TENM1: variants seen among roughly 807,000 people sequenced by gnomAD.
The protein encoded by TENM1 is teneurin-1.
Under a neutral mutation model 174.8 loss-of-function variants are expected in TENM1, and 35 were observed. That is an observed-to-expected ratio of 0.20 (90% CI 0.15 to 0.27). TENM1 has a LOEUF of 0.27. TENM1 is among the 10% of genes least tolerant of loss of function. The probability of loss-of-function intolerance (pLI) is 1.00; values close to 1 mark genes in which losing one functional copy is unlikely to be tolerated. For synonymous variants in TENM1, 781 were observed against 798.7 expected (o/e 0.98, Z 0.37); for missense variants, 1,633 against 2,130.1 (o/e 0.77, Z 4.59).
Position 124,674,978 on chromosome X carries a change from T to A in TENM1, c.1016-3143A>T, listed in dbSNP as rs772887020. 5.4e-5 allele frequency among the ~76,000 whole-genome samples: 6 copies of A among 111,391 alleles called. No individual in the cohort carries two copies. In the South Asian group the frequency reaches 2.3e-3, roughly 42 times the overall value. ...CCACTTTCCTGGCGGCACTTGAAAA[T>A]GCGAGAAAATGCATGTGGTGAGATT... On this transcript the variant is annotated intron_variant, in intron 5 of 31. Coordinates refer to ENST00000422452, the Ensembl canonical transcript of TENM1.
intron 3 of TENM1, among the ~76,000 whole-genome samples, chrX:124,859,557 A>C (rs2056875370): frequency 1.8e-5 from 2 of 110,117 alleles, no homozygotes; most frequent in Admixed American, 9.6e-5. Context: ...AAAAAAAAAA[A>C]AACAAAAAGA....
intron 27 of TENM1, among the ~76,000 whole-genome samples, chrX:124,399,561 A>G (rs1470581715): frequency 8.9e-6 from 1 of 112,554 alleles, no homozygotes; most frequent in East Asian, 2.8e-4. Context: ...GTGTAACCAT[A>G]CAACAGATAT....
chrX:125,200,274 C>G, the TENM1 span, among the ~76,000 whole-genome samples: 2 of 111,628 alleles, frequency 1.8e-5, no homozygotes, highest in African/African-American at 3.3e-5. Context: ...GTGATTTAAT[C>G]TAACACTCAG....
At chrX:124,876,134 G>A (rs371218098) in intron 3 of TENM1, among the ~76,000 whole-genome samples, 10 of 110,549 alleles carry the variant, frequency 9.0e-5, no homozygotes, top group African/African-American at 2.0e-4. Context: ...TTTTCTCATC[G>A]TAAATGGGAA....
chrX:124,607,401 A>T (rs1255115491), intron 11 of TENM1, among the ~76,000 whole-genome samples: 2 of 111,208 alleles, frequency 1.8e-5, no homozygotes, highest in African/African-American at 6.5e-5. Flanking sequence ...TATCAATTGA[A>T]CAAAGACTCA....
chrX:124,776,608 G>T (rs959762002), intron 3 of TENM1, among the ~76,000 whole-genome samples: 1 of 111,977 alleles, frequency 8.9e-6, no homozygotes, highest in South Asian at 3.7e-4. Context: ...ATCTGTTTAT[G>T]TGCAAAGTTT....
At chrX:124,599,514 T>C (rs2858400) in intron 11 of TENM1, among the ~76,000 whole-genome samples, 23,708 of 109,882 alleles carry the variant, frequency 0.22, 1,887 homozygotes, top group South Asian at 0.38. Flanking sequence ...GGGCCTAAGA[T>C]TGTGGGACTT....
chrX:124,522,765 T>C (rs2047883063), intron 17 of TENM1, among the ~76,000 whole-genome samples: 1 of 109,344 alleles, frequency 9.1e-6, no homozygotes, highest in Admixed American at 9.7e-5. Context: ...CTCAGCTCAC[T>C]GCAACCTCCG....
the TENM1 span, among the ~76,000 whole-genome samples, chrX:125,054,266 C>A: frequency 9.1e-6 from 1 of 109,979 alleles, no homozygotes; most frequent in Non-Finnish European, 1.9e-5. Context: ...CCATGCAAGA[C>A]GTGCCTGTTT....
chrX:124,437,200 C>T lies in TENM1; in HGVS notation c.4105-14562G>A, dbSNP rs2060852277. ...CTCCTGACCTCAAATGATCTGCCCG[C>T]CTTGGCCTCCCAAAGTGCTGGGATT... On this transcript the variant is annotated intron_variant, in intron 23 of 31. Coordinates refer to ENST00000422452, the Ensembl canonical transcript of TENM1. Among the ~76,000 whole-genome samples, 4 of 101,255 alleles carry T rather than the reference C, an allele frequency of 4.0e-5. No homozygotes were observed. The South Asian group carries it at 1.9e-3, about 48-fold the overall frequency. 87.9% of individuals were successfully genotyped at this position (101,255 alleles called of 115,157 possible).
chrX:124,405,354 G>A (rs2060451666), intron 26 of TENM1, 88 bp from the exon 30 acceptor site: 8 of 754,890 alleles, frequency 1.1e-5, no homozygotes, highest in Non-Finnish European at 1.4e-5. Context: ...TAGGAGGCAC[G>A]TTTGGGGGAT....
the TENM1 span, among the ~76,000 whole-genome samples, chrX:125,027,864 CAT>C: frequency 3.3e-3 from 372 of 111,249 alleles, 3 homozygotes; most frequent in Non-Finnish European, 5.7e-3. Context: ...TGACGATAGA[CAT>C]GTGAAAAAGT....
rs187843468 is a variant in TENM1 at position 124,861,796 on chromosome X, T to A, written c.535+32500A>T. On this transcript the variant is annotated intron_variant, in intron 3 of 31. Transcript: ENST00000422452. ...TTCATAAATCACTCAAAACAATACA[T>A]GCATGTGCTTATTTATTTATTTATT... 7.0e-3 allele frequency among the ~76,000 whole-genome samples: 787 copies of A among 112,254 alleles called. 11 individuals are homozygous for A. Among genetic ancestry groups the A allele is most frequent in the African/African-American group, 0.024 (735 of 30,901 alleles).
At chrX:125,069,245 G>C in the TENM1 span, among the ~76,000 whole-genome samples, 6 of 111,710 alleles carry the variant, frequency 5.4e-5, no homozygotes, top group Non-Finnish European at 9.4e-5. Flanking sequence ...TTGTAAGTGA[G>C]AGCAGGCAGT....
intron 3 of TENM1, among the ~76,000 whole-genome samples, chrX:124,821,951 A>G (rs1173171203): frequency 8.9e-6 from 1 of 111,855 alleles, no homozygotes; most frequent in African/African-American, 3.3e-5. Flanking sequence ...GATAGTAACA[A>G]ATTGTTCAAG....
the TENM1 span, among the ~76,000 whole-genome samples, chrX:125,065,742 T>C: frequency 8.9e-6 from 1 of 112,212 alleles, no homozygotes; most frequent in Non-Finnish European, 1.9e-5. Flanking sequence ...TAAAAATATC[T>C]CTACTACACA....
At chrX:124,971,624 C>T in the TENM1 span, among the ~76,000 whole-genome samples, 1 of 111,420 alleles carries the variant, frequency 9.0e-6, no homozygotes, top group Non-Finnish European at 1.9e-5. Context: ...TATTTCCTTA[C>T]AGTAAATTCC....
chrX:124,869,026 A>C (rs2057058871), intron 3 of TENM1, among the ~76,000 whole-genome samples: 1 of 103,684 alleles, frequency 9.6e-6, no homozygotes, highest in Non-Finnish European at 2.0e-5. Flanking sequence ...GGAGCTCGAG[A>C]CCAGCCTGGC....
At chrX:124,557,638 G>A (rs1187708319) in intron 14 of TENM1, among the ~76,000 whole-genome samples, 3 of 110,987 alleles carry the variant, frequency 2.7e-5, no homozygotes, top group Non-Finnish European at 5.7e-5. Flanking sequence ...GATTTTTGAT[G>A]CCAGTTTTAT....
Sources: allele counts gnomAD v4.1 joint callset (sites outside exome capture counted in the v4.1 genomes callset), GRCh38; gene constraint gnomAD v4.1.1; transcripts MANE v1.5; gene names NCBI Gene and HGNC (gene_info 2026-07-23, HGNC 2026-07-21).